MEI4: variants seen among roughly 807,000 people sequenced by gnomAD.
The protein encoded by MEI4 is meiosis-specific protein MEI4.
MEI4 carries 27 observed loss-of-function variants against 31.4 expected under a neutral mutation model. The ratio of observed to expected loss-of-function variants is 0.86; its 90% confidence interval spans 0.63 to 1.19. The LOEUF (loss-of-function observed/expected upper bound fraction) is 1.19, where lower values mean the gene tolerates loss of function less well. Ranked by LOEUF, MEI4 falls within the 50% of genes most tolerant of loss-of-function variation. MEI4 has a pLI of 0.00. For synonymous variants in MEI4, 122 were observed against 145.4 expected (o/e 0.84, Z 1.16); for missense variants, 329 against 398.9 (o/e 0.82, Z 1.49).
intron 2 of MEI4, among the ~76,000 whole-genome samples, chr6:77,731,660 T>C (rs1315658644): frequency 6.6e-6 from 1 of 151,028 alleles, no homozygotes; most frequent in Non-Finnish European, 1.5e-5. Context: ...ATTTTGGCTT[T>C]TGTTGCCATT....
chr6:77,658,091 G>A (rs958797647), intron 1 of MEI4, among the ~76,000 whole-genome samples: 2 of 152,190 alleles, frequency 1.3e-5, no homozygotes, highest in South Asian at 4.1e-4. Flanking sequence ...ATTTCACCTG[G>A]GTGCAGGCGG....
chr6:77,894,585 T>C (rs1766042047), intron 4 of MEI4, among the ~76,000 whole-genome samples: 1 of 152,218 alleles, frequency 6.6e-6, no homozygotes, highest in Non-Finnish European at 1.5e-5. Context: ...TGCCTTTTAA[T>C]TTCTTTGAGT....
chr6:77,802,221 G>T (rs182361779), intron 3 of MEI4, among the ~76,000 whole-genome samples: 2 of 152,154 alleles, frequency 1.3e-5, no homozygotes, highest in South Asian at 4.1e-4. Flanking sequence ...TTACCCTTAT[G>T]TAATGGCCTT....
intron 3 of MEI4, among the ~76,000 whole-genome samples, chr6:77,803,634 G>A (rs1026626535): frequency 2.6e-5 from 4 of 152,086 alleles, no homozygotes; most frequent in East Asian, 1.9e-4. Flanking sequence ...TGATGGTGAC[G>A]TACAGATGGT....
intron 2 of MEI4, among the ~76,000 whole-genome samples, chr6:77,725,055 G>A (rs1766790699): frequency 8.2e-6 from 1 of 121,752 alleles, no homozygotes; most frequent in African/African-American, 3.1e-5. Flanking sequence ...CTTCCTACCT[G>A]CTTGTTTTAG....
chr6:77,719,259 C>T lies in MEI4; in HGVS notation c.232+28356C>T, dbSNP rs1359435125. The stretch of plus-strand genomic sequence containing the variant: ...ACTAAAACTTCTGTATTTTTTGATT[C>T]TTTGGGAATTTCCTTGGGGCAAGGT... On this transcript the variant is annotated intron_variant, in intron 2 of 4. Coordinates refer to ENST00000684080, the MANE Select transcript of MEI4 (RefSeq NM_001322247.2). 1.5e-4 allele frequency among the ~76,000 whole-genome samples: 21 copies of T among 136,842 alleles called. No individual in the cohort carries two copies. The East Asian group carries it at 4.4e-3, about 29-fold the overall frequency. The allele number at this position is 136,842 out of a possible 152,430, so 89.8% of individuals were successfully genotyped here.
At chr6:77,708,793 C>T (rs573917503) in intron 2 of MEI4, among the ~76,000 whole-genome samples, 1 of 152,284 alleles carries the variant, frequency 6.6e-6, no homozygotes, top group Non-Finnish European at 1.5e-5. Context: ...GTTCTTGGCA[C>T]ATGACACTCT....
At chr6:77,812,278 A>G (rs62427310) in intron 3 of MEI4, among the ~76,000 whole-genome samples, 20,911 of 152,106 alleles carry the variant, frequency 0.14, 1,527 homozygotes, top group Middle Eastern at 0.21. Context: ...GTTAATGATC[A>G]AAAATTTGAA....
intron 3 of MEI4, among the ~76,000 whole-genome samples, chr6:77,822,330 C>CTATAGGTTATATATAGATAA (rs1270892526): frequency 1.3e-5 from 2 of 152,018 alleles, no homozygotes; most frequent in African/African-American, 4.8e-5. Flanking sequence ...ACCTATAGAT[C>CTATAGGTTATATATAGATAA]CCTCTATAAT....
At chr6:77,830,188 T>C (rs1211858434) in intron 4 of MEI4, among the ~76,000 whole-genome samples, 3 of 152,140 alleles carry the variant, frequency 2.0e-5, no homozygotes, top group East Asian at 3.9e-4. Flanking sequence ...TGCATTTGAA[T>C]TGAATGAGCA....
chr6:77,734,622 A>G (rs559391530), intron 2 of MEI4, among the ~76,000 whole-genome samples: 1 of 152,036 alleles, frequency 6.6e-6, no homozygotes, highest in African/African-American at 2.4e-5. Flanking sequence ...TAATTGGAGC[A>G]TTTAGTCCAT....
intron 4 of MEI4, among the ~76,000 whole-genome samples, chr6:77,835,363 A>C (rs539147662): frequency 1.5e-5 from 2 of 135,410 alleles, no homozygotes; most frequent in South Asian, 4.7e-4. Context: ...TCCATAAGAA[A>C]ACAAAACAAA....
chr6:77,897,046 A>G (rs2127733959), intron 4 of MEI4, among the ~76,000 whole-genome samples: 1 of 152,120 alleles, frequency 6.6e-6, no homozygotes, highest in East Asian at 1.9e-4. Context: ...CCAATAGAGG[A>G]GTTATTGTTA....
chr6:77,905,684 G>T lies in MEI4; in HGVS notation c.901-17405G>T, dbSNP rs376793371. Among the ~76,000 whole-genome samples the T allele has an allele frequency of 2.0e-5, 3 of 151,320 alleles. No individual in the cohort carries two copies. The East Asian group carries it at 5.8e-4, about 29-fold the overall frequency. ...GCTAATTTTTTGTATGTTTAGTAGA[G>T]ATTGGGTTTCACTGTGTTAGCCAGG... On this transcript the variant is annotated intron_variant, in intron 4 of 4. Coordinates refer to ENST00000684080, the MANE Select transcript of MEI4 (RefSeq NM_001322247.2).
intron 2 of MEI4, among the ~76,000 whole-genome samples, chr6:77,734,052 G>A (rs984706797): frequency 1.3e-5 from 2 of 151,958 alleles, no homozygotes; most frequent in African/African-American, 4.8e-5. Flanking sequence ...TTCCAAGTAT[G>A]TGGTCAGTTT....
chr6:77,821,564 G>C (rs1769825421), intron 3 of MEI4, among the ~76,000 whole-genome samples: 1 of 152,070 alleles, frequency 6.6e-6, no homozygotes. Context: ...GGGAGGCCGA[G>C]ACAGGTGGAT....
chr6:77,793,483 G>A (rs1019865780), intron 3 of MEI4, among the ~76,000 whole-genome samples: 3 of 152,180 alleles, frequency 2.0e-5, no homozygotes, highest in Non-Finnish European at 4.4e-5. Flanking sequence ...AATATGTAGT[G>A]AAGAGCAGAA....
rs910377245 is a variant in MEI4 at position 77,924,137 on chromosome 6, A to G, written c.*791A>G. 2.6e-5 allele frequency: 4 copies of G among 151,838 alleles called. No homozygotes were observed. The highest frequency in any genetic ancestry group is 5.9e-5 in the Non-Finnish European group (4 of 67,864). The allele number at this position is 151,838 out of a possible 1,614,324, so 9.4% of individuals were successfully genotyped here. ...TTATTTGGTGGAATTTTTCAGTTAT[A>G]CAATTTCATTGACTTCATTTCAATG... is the stretch of plus-strand genomic sequence containing the variant. On this transcript the variant is annotated 3_prime_UTR_variant, in exon 5 of 5. Transcript: ENST00000684080.
At chr6:77,735,084 T>A (rs992043609) in intron 2 of MEI4, among the ~76,000 whole-genome samples, 18 of 151,974 alleles carry the variant, frequency 1.2e-4, no homozygotes, top group African/African-American at 4.4e-4. Flanking sequence ...CCTTCATTTC[T>A]ACTTCGGTGA....
Sources: allele counts gnomAD v4.1 joint callset (sites outside exome capture counted in the v4.1 genomes callset), GRCh38; gene constraint gnomAD v4.1.1; transcripts MANE v1.5; gene names NCBI Gene and HGNC (gene_info 2026-07-23, HGNC 2026-07-21).